Variants in TMEM87A observed in about 807,000 individuals in gnomAD.
TMEM87A encodes transmembrane protein 87A, also known as Golgi-pH regulating cation channel.
TMEM87A carries 50 observed loss-of-function variants against 90.0 expected under a neutral mutation model. The observed-to-expected ratio is 0.56, with a 90% CI of 0.44 to 0.70. The LOEUF (loss-of-function observed/expected upper bound fraction) is 0.70, where lower values mean the gene tolerates loss of function less well. Among genes scored for constraint, TMEM87A ranks in the 30% least tolerant of loss-of-function variants. TMEM87A has a pLI of 0.00. For synonymous variants in TMEM87A, 226 were observed against 226.7 expected (o/e 1.00, Z 0.03); for missense variants, 577 against 660.5 (o/e 0.87, Z 1.39).
At chr15:42,237,076 G>C (rs1869506999) in intron 9 of TMEM87A, among the ~76,000 whole-genome samples, 1 of 152,102 alleles carries the variant, frequency 6.6e-6, no homozygotes, top group South Asian at 2.1e-4. Context: ...TTTAAATCAA[G>C]GTGTGTCTTA....
chr15:42,219,692 A>G, intron 16 of TMEM87A, 50 bp from the exon 17 acceptor site: 1 of 1,267,618 alleles, frequency 7.9e-7, no homozygotes, highest in Non-Finnish European at 1.1e-6. Context: ...ACAGACCAAC[A>G]ATGTTGGCAA....
chr15:42,217,709 G>A (rs1193792772), intron 19 of TMEM87A, 94 bp downstream of exon 19: 26 of 1,254,876 alleles, frequency 2.1e-5, no homozygotes, highest in Non-Finnish European at 3.0e-5. Flanking sequence ...GGCCACTACT[G>A]AGTCAAATAA....
intron 6 of TMEM87A, 59 bp downstream of exon 6, chr15:42,260,898 AC>A: frequency 6.5e-7 from 1 of 1,535,814 alleles, no homozygotes; most frequent in Non-Finnish European, 8.9e-7. Flanking sequence ...ATTCAGAAAT[AC>A]ACAAATTTAA....
chr15:42,266,877 A>C (rs1187454263), intron 3 of TMEM87A, among the ~76,000 whole-genome samples: 2 of 152,122 alleles, frequency 1.3e-5, no homozygotes, highest in African/African-American at 4.8e-5. Flanking sequence ...TAAACTAATC[A>C]TTTTTTCCAC....
chr15:42,222,304 G>A (rs1455618513), intron 15 of TMEM87A, among the ~76,000 whole-genome samples: 5 of 152,066 alleles, frequency 3.3e-5, no homozygotes, highest in East Asian at 3.9e-4. Flanking sequence ...TGATCTGTCC[G>A]CTTCAGCCTC....
chr15:42,271,842 T>C (rs2051534032), intron 2 of TMEM87A, among the ~76,000 whole-genome samples: 2 of 151,092 alleles, frequency 1.3e-5, no homozygotes, highest in South Asian at 4.2e-4. Context: ...CTACATAGTG[T>C]ATATATGCAA....
At chr15:42,232,624 C>G (rs888073504) in intron 11 of TMEM87A, among the ~76,000 whole-genome samples, 10 of 152,004 alleles carry the variant, frequency 6.6e-5, no homozygotes, top group African/African-American at 9.7e-5. Flanking sequence ...CAGGCGCCTG[C>G]CACCACGCCC....
At chr15:42,265,986 GTT>G (rs2051395188) in intron 3 of TMEM87A, among the ~76,000 whole-genome samples, 2 of 152,152 alleles carry the variant, frequency 1.3e-5, no homozygotes, top group African/African-American at 4.8e-5. Flanking sequence ...CCCATTGCTT[GTT>G]TTTTGTCAGC....
At position 42,239,577 on chromosome 15, in the gene TMEM87A, A is replaced by G. The variant is rs1161173179; in HGVS notation, c.684+93T>C. 3.7e-6 allele frequency: 4 copies of G among 1,068,126 alleles called. No homozygotes were observed. In the African/African-American group the frequency reaches 4.7e-5, roughly 13 times the overall value. The allele number at this position is 1,068,126 out of a possible 1,614,324, so 66.2% of individuals were successfully genotyped here. ...AACATTTTCTGAATTGCACAGGAAC[A>G]ATTCATTAAAAAGAATACTGCCACA... On this transcript the variant is annotated intron_variant, in intron 8 of 19. Coordinates refer to ENST00000389834, the MANE Select transcript of TMEM87A (RefSeq NM_015497.5).
chr15:42,212,788 A>G (rs965076880), intron 19 of TMEM87A, among the ~76,000 whole-genome samples: 1 of 152,180 alleles, frequency 6.6e-6, no homozygotes, highest in African/African-American at 2.4e-5. Context: ...CTGGCTCCCA[A>G]AGATGTTGTT....
At chr15:42,235,289 T>C (rs2050751039) in intron 10 of TMEM87A, among the ~76,000 whole-genome samples, 1 of 152,230 alleles carries the variant, frequency 6.6e-6, no homozygotes, top group Non-Finnish European at 1.5e-5. Context: ...TCTGCCCGCC[T>C]TGGCCTCCCA....
intron 6 of TMEM87A, among the ~76,000 whole-genome samples, chr15:42,248,938 A>G (rs1438166375): frequency 1.3e-5 from 2 of 152,182 alleles, no homozygotes; most frequent in Non-Finnish European, 2.9e-5. Flanking sequence ...TTGGTAGGCT[A>G]TTAATTATTG....
At chr15:42,218,496 G>C in intron 17 of TMEM87A, 118 bp from the exon 18 acceptor site, 1 of 876,904 alleles carries the variant, frequency 1.1e-6, no homozygotes, top group East Asian at 2.7e-5. Context: ...TTCACAAATG[G>C]GACTGCTGAC....
chr15:42,252,484 C>T (rs973683810), intron 6 of TMEM87A, among the ~76,000 whole-genome samples: 1 of 152,176 alleles, frequency 6.6e-6, no homozygotes, highest in Non-Finnish European at 1.5e-5. Context: ...GTGAGCCTCT[C>T]AATCTTTCTG....
At position 42,241,206 on chromosome 15, in the gene TMEM87A, A is replaced by G. The variant is rs577271706; in HGVS notation, c.623-1475T>C. 2.2e-3 allele frequency among the ~76,000 whole-genome samples: 337 copies of G among 152,372 alleles called. 6 individuals are homozygous for G. Among genetic ancestry groups the G allele is most frequent in the Non-Finnish European group, 2.5e-3 (169 of 68,042 alleles). On this transcript the variant is annotated intron_variant, in intron 7 of 19. Transcript: ENST00000389834. Reference sequence around the variant, plus strand: ...TATTTGACAGGCCTATGGAAAACACAGCAGACAGAAACATGAGTAAGATGT... The same window carrying G: ...TATTTGACAGGCCTATGGAAAACACGGCAGACAGAAACATGAGTAAGATGT...
chr15:42,262,349 T>A (rs557849739), intron 4 of TMEM87A: 1 of 152,342 alleles, frequency 6.6e-6, no homozygotes, highest in South Asian at 2.1e-4. Flanking sequence ...GCTATTTTCT[T>A]TTCCCTCCAA....
Position 42,273,143 on chromosome 15 carries a change from C to T in TMEM87A, c.144+112G>A. The T allele has an allele frequency of 2.9e-6, 4 of 1,372,406 alleles. No homozygotes were observed. The Admixed American group carries it at 8.2e-5, about 28-fold the overall frequency. The allele number at this position is 1,372,406 out of a possible 1,614,324, so 85.0% of individuals were successfully genotyped here. A position where few individuals can be genotyped will look rare whatever the true frequency, so the allele number is the denominator to read the frequency against. On this transcript the variant is annotated intron_variant, in intron 1 of 19. Transcript: ENST00000389834. ...TGGCTAGCCACACAGACCATCCCAG[C>T]AACCCCACCCCTTTTGAAGAGACTT... is the stretch of plus-strand genomic sequence containing the variant.
chr15:42,240,411 T>C (rs1207981190), intron 7 of TMEM87A, among the ~76,000 whole-genome samples: 1 of 152,212 alleles, frequency 6.6e-6, no homozygotes, highest in Non-Finnish European at 1.5e-5. Flanking sequence ...AAAGTTCAGA[T>C]GCTTCAAGGC....
intron 7 of TMEM87A, among the ~76,000 whole-genome samples, chr15:42,241,842 T>C (rs1360854321): frequency 6.6e-6 from 1 of 152,058 alleles, no homozygotes; most frequent in African/African-American, 2.4e-5. Context: ...AATAAAAATC[T>C]AGTAGATTTA....
Sources: allele counts gnomAD v4.1 joint callset (sites outside exome capture counted in the v4.1 genomes callset), GRCh38; gene constraint gnomAD v4.1.1; transcripts MANE v1.5; gene names NCBI Gene and HGNC (gene_info 2026-07-23, HGNC 2026-07-21).